CHCHD6: variants seen among roughly 807,000 people sequenced by gnomAD.
The protein encoded by CHCHD6 is MICOS complex subunit MIC25.
In CHCHD6, 28 loss-of-function variants were observed where a neutral mutation model predicts 32.3. The observed-to-expected ratio is 0.87, with a 90% CI of 0.64 to 1.19. CHCHD6 has a LOEUF of 1.19. Ranked by LOEUF, CHCHD6 falls within the 50% of genes most tolerant of loss-of-function variation. The pLI is 0.00. For missense variants in CHCHD6, 333 were observed against 307.0 expected, an observed-to-expected ratio of 1.08 and a Z score of -0.63; for synonymous variants, 122 against 117.5, an observed-to-expected ratio of 1.04 and a Z score of -0.25.
At chr3:126,947,801 T>A (rs1217554923) in intron 6 of CHCHD6, among the ~76,000 whole-genome samples, 1 of 152,184 alleles carries the variant, frequency 6.6e-6, no homozygotes, top group Admixed American at 6.5e-5. Context: ...TCTCTCCCAG[T>A]GCAGAAGACT....
intron 5 of CHCHD6, chr3:126,865,436 C>A: frequency 2.8e-6 from 1 of 353,274 alleles, no homozygotes; most frequent in Non-Finnish European, 4.0e-6. Context: ...CACCTCTACC[C>A]TCCACCACCA....
intron 5 of CHCHD6, among the ~76,000 whole-genome samples, chr3:126,893,589 A>G (rs1394763792): frequency 4.6e-5 from 7 of 152,252 alleles, no homozygotes; most frequent in South Asian, 2.1e-4. Flanking sequence ...CATCAATGCA[A>G]TGATAGCAGG....
At chr3:126,758,168 C>T (rs1474280283) in intron 4 of CHCHD6, among the ~76,000 whole-genome samples, 1 of 152,198 alleles carries the variant, frequency 6.6e-6, no homozygotes, top group Non-Finnish European at 1.5e-5. Flanking sequence ...GATTAAAAGG[C>T]CCCAGCTAAA....
rs955768834 is a variant in CHCHD6 at position 126,766,793 on chromosome 3, C to G, written c.411+33571C>G. ...GCCCCCTGGAAAAACAGACCACCCA[C>G]TTCACTGATGGCAAAGGAGCAGGTG... is the stretch of plus-strand genomic sequence containing the variant. On this transcript the variant is annotated intron_variant, in intron 4 of 7. Coordinates refer to ENST00000290913, the MANE Select transcript of CHCHD6 (RefSeq NM_032343.3). 2.2e-5 allele frequency: 23 copies of G among 1,066,456 alleles called. No individual in the cohort carries two copies. In the Admixed American group the frequency reaches 3.0e-4, roughly 14 times the overall value. The allele number at this position is 1,066,456 out of a possible 1,614,324, so 66.1% of individuals were successfully genotyped here. A position where few individuals can be genotyped will look rare whatever the true frequency, so the allele number is the denominator to read the frequency against.
intron 4 of CHCHD6, among the ~76,000 whole-genome samples, chr3:126,774,010 G>A (rs1048283744): frequency 1.3e-5 from 2 of 151,916 alleles, no homozygotes; most frequent in African/African-American, 4.8e-5. Flanking sequence ...CTATGCTAGT[G>A]GTTATAAAAT....
chr3:126,850,034 C>T (rs1164457591), intron 4 of CHCHD6, among the ~76,000 whole-genome samples: 2 of 152,120 alleles, frequency 1.3e-5, no homozygotes, highest in Non-Finnish European at 2.9e-5. Context: ...CTGCTCTGGG[C>T]CAGGCACTGA....
intron 5 of CHCHD6, among the ~76,000 whole-genome samples, chr3:126,878,136 C>G (rs1292294730): frequency 6.6e-6 from 1 of 152,136 alleles, no homozygotes; most frequent in African/African-American, 2.4e-5. Flanking sequence ...GAAGAAAGAG[C>G]CTTGTGGTCT....
chr3:126,789,969 T>A (rs1576418818), intron 4 of CHCHD6, among the ~76,000 whole-genome samples: 2 of 152,352 alleles, frequency 1.3e-5, no homozygotes, highest in African/African-American at 4.8e-5. Context: ...CTACTAGTTG[T>A]TCCTTTCCAT....
chr3:126,914,897 T>A, intron 6 of CHCHD6, 147 bp downstream of exon 6: 1 of 651,788 alleles, frequency 1.5e-6, no homozygotes, highest in Non-Finnish European at 2.8e-6. Flanking sequence ...CTCACCTGGA[T>A]CTGAGGTAGC....
At chr3:126,843,285 C>T (rs1455794223) in intron 4 of CHCHD6, among the ~76,000 whole-genome samples, 3 of 152,172 alleles carry the variant, frequency 2.0e-5, no homozygotes, top group East Asian at 3.9e-4. Context: ...CTTTTTTGCA[C>T]ATTGATGGAA....
At chr3:126,728,222 G>A (rs549832103) in intron 2 of CHCHD6, among the ~76,000 whole-genome samples, 1 of 152,308 alleles carries the variant, frequency 6.6e-6, no homozygotes, top group African/African-American at 2.4e-5. Flanking sequence ...TGATAGGTGG[G>A]CAGGGACCCT....
intron 4 of CHCHD6, among the ~76,000 whole-genome samples, chr3:126,776,750 G>T (rs184018589): frequency 3.1e-4 from 47 of 152,188 alleles, no homozygotes; most frequent in African/African-American, 1.0e-3. Flanking sequence ...TTGAATTAGG[G>T]ATACATTTTA....
chr3:126,771,313 C>T (rs534271648), intron 4 of CHCHD6, among the ~76,000 whole-genome samples: 1 of 151,672 alleles, frequency 6.6e-6, no homozygotes, highest in African/African-American at 2.4e-5. Context: ...CAGGCAATTC[C>T]CCTGCCTCAG....
At chr3:126,770,993 T>C (rs1255893134) in intron 4 of CHCHD6, among the ~76,000 whole-genome samples, 1 of 152,184 alleles carries the variant, frequency 6.6e-6, no homozygotes, top group Non-Finnish European at 1.5e-5. Context: ...TTATTGCTAA[T>C]TCAATTCTGG....
At chr3:126,945,978 G>A (rs2078632436) in intron 6 of CHCHD6, among the ~76,000 whole-genome samples, 1 of 152,056 alleles carries the variant, frequency 6.6e-6, no homozygotes, top group Admixed American at 6.5e-5. Flanking sequence ...TGCCAGTTGG[G>A]TGACAGCTCC....
At chr3:126,889,987 C>CTG (rs1553753413) in intron 5 of CHCHD6, among the ~76,000 whole-genome samples, 1 of 52,736 alleles carries the variant, frequency 1.9e-5, no homozygotes, top group South Asian at 6.1e-4. Flanking sequence ...CGTTGACGGG[C>CTG]TTTGTCCAGG....
In CHCHD6 at chr3:126,813,536, G is replaced by A. The variant is rs144141061; in HGVS notation, c.412-39111G>A. Among the ~76,000 whole-genome samples the A allele has an allele frequency of 2.6e-3, 389 of 152,350 alleles. 1 individual carries two copies. The highest frequency in any genetic ancestry group is 8.9e-3 in the African/African-American group (368 of 41,580). On this transcript the variant is annotated intron_variant, in intron 4 of 7. Coordinates refer to ENST00000290913, the MANE Select transcript of CHCHD6 (RefSeq NM_032343.3). Reference sequence around the variant, plus strand: ...GCTAGGTACTGGCCACTACTGAGGAGCTTTCACCCACATGAGCTCCTTGAG... The same window carrying A: ...GCTAGGTACTGGCCACTACTGAGGAACTTTCACCCACATGAGCTCCTTGAG...
At chr3:126,784,271 A>G (rs1473330230) in intron 4 of CHCHD6, among the ~76,000 whole-genome samples, 2 of 152,156 alleles carry the variant, frequency 1.3e-5, no homozygotes, top group Non-Finnish European at 2.9e-5. Flanking sequence ...CCACAGTTCC[A>G]CTGTTTTGCT....
chr3:126,949,661 G>A (rs116518501), intron 6 of CHCHD6: 8,114 of 208,290 alleles, frequency 0.039, 251 homozygotes, highest in Non-Finnish European at 0.058. Flanking sequence ...CTGCTGCGCG[G>A]ACTGCCGCCG....
Sources: allele counts gnomAD v4.1 joint callset (sites outside exome capture counted in the v4.1 genomes callset), GRCh38; gene constraint gnomAD v4.1.1; transcripts MANE v1.5; gene names NCBI Gene and HGNC (gene_info 2026-07-23, HGNC 2026-07-21).